The following TRIM38 variants were observed in gnomAD, a reference collection of about 807,000 sequenced individuals.
TRIM38 encodes E3 ubiquitin-protein ligase TRIM38.
In TRIM38, 35 loss-of-function variants were observed where a neutral mutation model predicts 35.8. The observed-to-expected ratio is 0.98, with a 90% CI of 0.75 to 1.30. TRIM38 has a LOEUF of 1.30. Among genes scored for constraint, TRIM38 ranks in the 50% most tolerant of loss-of-function variants. The pLI is 0.00. For synonymous variants in TRIM38, 198 were observed against 204.7 expected, an observed-to-expected ratio of 0.97 and a Z score of 0.28; for missense variants, 545 against 556.9, an observed-to-expected ratio of 0.98 and a Z score of 0.21.
At chr6:25,976,347 A>C (rs1760391788) in intron 7 of TRIM38, among the ~76,000 whole-genome samples, 1 of 152,192 alleles carries the variant, frequency 6.6e-6, no homozygotes, top group South Asian at 2.1e-4. Context: ...GGCTCCCTGC[A>C]GCCTTAAATT....
chr6:25,964,184 G>A (rs540428573), intron 2 of TRIM38, among the ~76,000 whole-genome samples: 10 of 151,978 alleles, frequency 6.6e-5, no homozygotes, highest in Non-Finnish European at 8.8e-5. Flanking sequence ...CTGCCAATGG[G>A]GGTAGATACT....
Position 25,988,496 on chromosome 6 carries a change from C to CTTTTCTTTCTTTT in TRIM38, c.*4813_*4814insCTTTCTTTTTTTT, listed in dbSNP as rs1760775647. 3 of 63,058 alleles carry CTTTTCTTTCTTTT rather than the reference C, an allele frequency of 4.8e-5. No homozygotes were observed. The highest frequency in any genetic ancestry group is 8.0e-5 in the Non-Finnish European group (3 of 37,384). 3.9% of individuals were successfully genotyped at this position (63,058 alleles called of 1,614,324 possible). On this transcript the variant is annotated 3_prime_UTR_variant, in exon 8 of 8. Transcript: ENST00000357085. ...TTTCTTTTTCTTTTTTCTTTTCTTTCTTTTTTTTTTTTTTTTTGAGACAGA... is the reference window on the plus strand; with the variant it reads ...TTTCTTTTTCTTTTTTCTTTTCTTTCTTTTCTTTCTTTTTTTTTTTTTTTTTTTTTGAGACAGA...
At chr6:25,982,351 C>A (rs1037972683) in intron 7 of TRIM38, among the ~76,000 whole-genome samples, 10 of 152,212 alleles carry the variant, frequency 6.6e-5, no homozygotes, top group African/African-American at 2.4e-4. Context: ...ACCCCCATGT[C>A]CTCATGCCCT....
intron 7 of TRIM38, among the ~76,000 whole-genome samples, chr6:25,980,622 T>C (rs1230379193): frequency 6.6e-6 from 1 of 152,188 alleles, no homozygotes; most frequent in Non-Finnish European, 1.5e-5. Flanking sequence ...GGTTTTGCCA[T>C]GTTGGGCAGG....
rs190595446 is a variant in TRIM38 at position 25,977,241 on chromosome 6, C to T, written c.874+3956C>T. 5.9e-5 allele frequency among the ~76,000 whole-genome samples: 9 copies of T among 152,268 alleles called. No homozygotes were observed. In the East Asian group the frequency reaches 1.2e-3, roughly 20 times the overall value. On this transcript the variant is annotated intron_variant, in intron 7 of 7. Coordinates refer to ENST00000357085, the MANE Select transcript of TRIM38 (RefSeq NM_006355.5). ...ATCACCTAATTAATTTTATTAGCCCCGTGTGCTATGCCTGTAGTTCCAGCT... is the reference window on the plus strand; with the variant it reads ...ATCACCTAATTAATTTTATTAGCCCTGTGTGCTATGCCTGTAGTTCCAGCT...
Position 25,988,031 on chromosome 6 carries a change from C to G in TRIM38, c.*4344C>G, listed in dbSNP as rs1760760382. On this transcript the variant is annotated 3_prime_UTR_variant, in exon 8 of 8. Coordinates refer to ENST00000357085, the MANE Select transcript of TRIM38 (RefSeq NM_006355.5). ...GGTTAAAGCACCTCTCCATAAGACA[C>G]GCCCACCAGCGCCATGTCAGTTTTT... 1 of 152,174 alleles carries G rather than the reference C, an allele frequency of 6.6e-6. No individual in the cohort carries two copies. Among genetic ancestry groups the G allele is most frequent in the Admixed American group, 6.5e-5 (1 of 15,278 alleles). 9.4% of individuals were successfully genotyped at this position (152,174 alleles called of 1,614,324 possible).
rs755312585 is a variant in TRIM38, at chr6:25,980,170, G to A, written c.875-2994G>A. 2.6e-5 allele frequency among the ~76,000 whole-genome samples: 4 copies of A among 152,154 alleles called. No homozygotes were observed. The East Asian group carries it at 7.7e-4, about 29-fold the overall frequency. On this transcript the variant is annotated intron_variant, in intron 7 of 7. Coordinates refer to ENST00000357085, the MANE Select transcript of TRIM38 (RefSeq NM_006355.5). ...GCTGAGCTTTATGTATTGACTATGA[G>A]ATTGCGCTTCTTAGATTGTTCAGAC...
In TRIM38 at chr6:25,969,380, A is replaced by C; in HGVS notation, c.467A>C (p.Glu156Ala). 1 of 1,612,880 alleles carries C rather than the reference A, an allele frequency of 6.2e-7. No homozygotes were observed. The highest frequency in any genetic ancestry group is 1.3e-5 in the African/African-American group (1 of 75,050). The change falls in exon 4 of 8, where the codon GAG becomes GCG. Residue 156 changes from glutamate to alanine, a missense_variant. Physicochemically the swap from Glu to Ala is moderately radical, Grantham distance 107. Transcript: ENST00000357085. ...KLKQLEDRCTEQKLSTAMRIT... is the reference protein window; with the variant it reads ...KLKQLEDRCTAQKLSTAMRIT... ...AAGCAACTTGAAGACAGATGTACGGAGCAGAAGCTGTCCACAGCAATGCGA... is the reference window on the plus strand; with the variant it reads ...AAGCAACTTGAAGACAGATGTACGGCGCAGAAGCTGTCCACAGCAATGCGA...
At position 25,984,733 on chromosome 6, in the gene TRIM38, G is replaced by C. The variant is rs1442203769; in HGVS notation, c.*1046G>C. The C allele has an allele frequency of 6.6e-6, 1 of 152,148 alleles. No homozygotes were observed. Among genetic ancestry groups the C allele is most frequent in the Non-Finnish European group, 1.5e-5 (1 of 68,058 alleles). The allele number at this position is 152,148 out of a possible 1,614,324, so 9.4% of individuals were successfully genotyped here. On this transcript the variant is annotated 3_prime_UTR_variant, in exon 8 of 8. Coordinates refer to ENST00000357085, the MANE Select transcript of TRIM38 (RefSeq NM_006355.5). ...GTCTCTACTAAAAATACAAAAATTA[G>C]CCGGGCATGGTGGTAGGGGCCTGTA... is the stretch of plus-strand genomic sequence containing the variant.
Position 25,987,717 on chromosome 6 carries a change from T to C in TRIM38, c.*4030T>C, listed in dbSNP as rs1760752447. ...TCATTATCAACGAAAGTCTGTAATT[T>C]ACATTAGGGTTTATTCTTGGTGTTG... On this transcript the variant is annotated 3_prime_UTR_variant, in exon 8 of 8. Transcript: ENST00000357085. 1 of 152,246 alleles carries C rather than the reference T, an allele frequency of 6.6e-6. No individual in the cohort carries two copies. Among genetic ancestry groups the C allele is most frequent in the South Asian group, 2.1e-4 (1 of 4,834 alleles). The allele number at this position is 152,246 out of a possible 1,614,324, so 9.4% of individuals were successfully genotyped here. A position where few individuals can be genotyped will look rare whatever the true frequency, so the allele number is the denominator to read the frequency against.
chr6:25,965,922 TAA>T (rs746283264), intron 2 of TRIM38, among the ~76,000 whole-genome samples: 37 of 129,140 alleles, frequency 2.9e-4, no homozygotes, highest in Non-Finnish European at 2.8e-4. Context: ...TCCGTCTCAT[TAA>T]AAAAAAAAAA....
At chr6:25,982,385 A>G (rs929118414) in intron 7 of TRIM38, among the ~76,000 whole-genome samples, 1 of 152,074 alleles carries the variant, frequency 6.6e-6, no homozygotes, top group Non-Finnish European at 1.5e-5. Flanking sequence ...TCACGTCCTC[A>G]CCACCTGCTT....
At chr6:25,971,116 C>T (rs1276941832) in intron 4 of TRIM38, among the ~76,000 whole-genome samples, 2 of 152,172 alleles carry the variant, frequency 1.3e-5, no homozygotes, top group Non-Finnish European at 2.9e-5. Flanking sequence ...AAGAAAATCG[C>T]TCCAACTCAG....
intron 7 of TRIM38, among the ~76,000 whole-genome samples, chr6:25,977,472 C>A (rs905669988): frequency 6.6e-6 from 1 of 152,138 alleles, no homozygotes; most frequent in Non-Finnish European, 1.5e-5. Context: ...GAGTTTGAGA[C>A]CAGCCTGGCC....
rs1036134478 is a variant in TRIM38, at chr6:25,985,942, C to A, written c.*2255C>A. The A allele has an allele frequency of 4.6e-5, 7 of 151,824 alleles. No individual in the cohort carries two copies. The highest frequency in any genetic ancestry group is 2.0e-4 in the Admixed American group (3 of 15,252). 9.4% of individuals were successfully genotyped at this position (151,824 alleles called of 1,614,324 possible). ...AGTTTTAAAAAATGAATAAAATAAA[C>A]CTGTGGAAACTATAAGGAAGGCCAG... On this transcript the variant is annotated 3_prime_UTR_variant, in exon 8 of 8. Coordinates refer to ENST00000357085, the MANE Select transcript of TRIM38 (RefSeq NM_006355.5).
chr6:25,986,110 G>C lies in TRIM38; in HGVS notation c.*2423G>C, dbSNP rs1386250943. 1.3e-5 allele frequency: 2 copies of C among 152,138 alleles called. No individual in the cohort carries two copies. The highest frequency in any genetic ancestry group is 4.8e-5 in the African/African-American group (2 of 41,408). 9.4% of individuals were successfully genotyped at this position (152,138 alleles called of 1,614,324 possible). ...AGAATATATACTGGAATAATTTTGA[G>C]AGTAATTTGAAGAATTAGATGCAAA... On this transcript the variant is annotated 3_prime_UTR_variant, in exon 8 of 8. Coordinates refer to ENST00000357085, the MANE Select transcript of TRIM38 (RefSeq NM_006355.5).
At position 25,975,119 on chromosome 6, in the gene TRIM38, G is replaced by A. The variant is rs145182456; in HGVS notation, c.874+1834G>A. On this transcript the variant is annotated intron_variant, in intron 7 of 7. Transcript: ENST00000357085. ...GCGATCTCGGCTCACTGCAAGCTCCGCCTTCCGGGTCAAGTGAAACTATTT... is the reference window on the plus strand; with the variant it reads ...GCGATCTCGGCTCACTGCAAGCTCCACCTTCCGGGTCAAGTGAAACTATTT... 4.7e-3 allele frequency: 4,513 copies of A among 969,360 alleles called. 51 individuals carry two copies. The highest frequency in any genetic ancestry group is 0.036 in the African/African-American group (2,051 of 56,496). The allele number at this position is 969,360 out of a possible 1,614,324, so 60.0% of individuals were successfully genotyped here.
intron 7 of TRIM38, chr6:25,974,895 C>T: frequency 5.1e-6 from 5 of 985,334 alleles, no homozygotes; most frequent in Non-Finnish European, 6.0e-6. Flanking sequence ...GTATTTCATC[C>T]TATACAGATG....
chr6:25,969,273 C>G, intron 3 of TRIM38, 52 bp from the exon 4 acceptor site: 1 of 1,317,418 alleles, frequency 7.6e-7, no homozygotes, highest in Admixed American at 1.8e-5. Flanking sequence ...CCCCTAGGTC[C>G]CTAATGAAGA....
Sources: allele counts gnomAD v4.1 joint callset (sites outside exome capture counted in the v4.1 genomes callset), GRCh38; gene constraint gnomAD v4.1.1; transcripts MANE v1.5; gene names NCBI Gene and HGNC (gene_info 2026-07-23, HGNC 2026-07-21).